SUCLG1: variants seen among roughly 807,000 people sequenced by gnomAD.
SUCLG1 encodes succinate-CoA ligase GDP/ADP-forming subunit alpha, also known as succinate--CoA ligase [ADP/GDP-forming] subunit alpha, mitochondrial.
A neutral mutation model predicts 37.3 loss-of-function variants in SUCLG1; 26 were observed. The observed-to-expected ratio is 0.70, with a 90% CI of 0.51 to 0.97. The LOEUF is 0.97. Among genes scored for constraint, SUCLG1 ranks in the 50% least tolerant of loss-of-function variants. SUCLG1 has a pLI of 0.00. For synonymous variants in SUCLG1, 163 were observed against 155.6 expected (o/e 1.05, Z -0.36); for missense variants, 433 against 432.9 (o/e 1.00, Z 0.00).
chr2:84,433,283 A>G (rs1268933149), intron 6 of SUCLG1, 69 bp downstream of exon 6: 1 of 1,246,066 alleles, frequency 8.0e-7, no homozygotes, highest in East Asian at 2.4e-5. Flanking sequence ...TAAAATCAAT[A>G]ATTATTATTA....
chr2:84,457,571 T>C (rs1229979692), intron 1 of SUCLG1, among the ~76,000 whole-genome samples: 2 of 152,108 alleles, frequency 1.3e-5, no homozygotes, highest in Admixed American at 6.6e-5. Flanking sequence ...CTCTAGATTT[T>C]TCTAGACAGC....
intron 5 of SUCLG1, among the ~76,000 whole-genome samples, chr2:84,434,840 G>A (rs1158993571): frequency 1.3e-5 from 2 of 152,158 alleles, no homozygotes; most frequent in Non-Finnish European, 2.9e-5. Flanking sequence ...TGTGACCTAT[G>A]CATAAACACA....
rs200877116 is a variant in SUCLG1, at chr2:84,441,475, C to A, written c.319-16G>T. ...GTTCTTTGGCCTGAAACATTAACGA[C>A]GAAGCACCTTATTATTTGTTAAATC... is the stretch of plus-strand genomic sequence containing the variant. On this transcript the variant is annotated splice_polypyrimidine_tract_variant and intron_variant, in intron 3 of 8. Coordinates refer to ENST00000393868, the MANE Select transcript of SUCLG1 (RefSeq NM_003849.4). 5.6e-6 allele frequency: 9 copies of A among 1,611,888 alleles called. No individual in the cohort carries two copies. The East Asian group carries it at 1.8e-4, about 32-fold the overall frequency.
intron 1 of SUCLG1, among the ~76,000 whole-genome samples, chr2:84,453,658 C>A (rs1054298343): frequency 3.3e-5 from 5 of 152,176 alleles, no homozygotes; most frequent in African/African-American, 1.2e-4. Context: ...CTCAAGTGAT[C>A]CGCCTGCCTT....
intron 1 of SUCLG1, among the ~76,000 whole-genome samples, chr2:84,455,558 A>C (rs1673006671): frequency 6.6e-6 from 1 of 152,042 alleles, no homozygotes; most frequent in South Asian, 2.1e-4. Context: ...AATGTAAAAA[A>C]ATGTGGGTCT....
chr2:84,458,821 C>T (rs1486300409), intron 1 of SUCLG1, among the ~76,000 whole-genome samples: 6 of 152,212 alleles, frequency 3.9e-5, no homozygotes, highest in Non-Finnish European at 4.4e-5. Flanking sequence ...CCTTGGACCT[C>T]TTCATCCCCA....
chr2:84,457,729 T>G (rs556381273), intron 1 of SUCLG1, among the ~76,000 whole-genome samples: 1 of 152,144 alleles, frequency 6.6e-6, no homozygotes, highest in Admixed American at 6.5e-5. Flanking sequence ...CCACTATCTA[T>G]TCAAATTAAG....
chr2:84,441,923 G>GT (rs1289370889), intron 3 of SUCLG1, among the ~76,000 whole-genome samples: 1 of 152,154 alleles, frequency 6.6e-6, no homozygotes, highest in Non-Finnish European at 1.5e-5. Flanking sequence ...ACATTACATA[G>GT]TTTTCTACCT....
chr2:84,455,934 A>G (rs907274056), intron 1 of SUCLG1, among the ~76,000 whole-genome samples: 2 of 152,170 alleles, frequency 1.3e-5, no homozygotes, highest in African/African-American at 4.8e-5. Flanking sequence ...TAATATTCCC[A>G]ATTACATTTC....
chr2:84,449,035 C>A (rs1672893678), intron 2 of SUCLG1: 4 of 280,360 alleles, frequency 1.4e-5, no homozygotes, highest in South Asian at 6.8e-5. Context: ...TTTATTTACA[C>A]TTACACAAAA....
intron 5 of SUCLG1, 167 bp from the exon 6 acceptor site, chr2:84,433,602 G>C (rs905014106): frequency 3.1e-6 from 2 of 654,760 alleles, no homozygotes; most frequent in Non-Finnish European, 5.5e-6. Flanking sequence ...GAAAAGGAAA[G>C]GCTTAAATTC....
chr2:84,449,879 G>A (rs1203836114), intron 1 of SUCLG1, 127 bp from the exon 2 acceptor site: 5 of 648,542 alleles, frequency 7.7e-6, no homozygotes, highest in Non-Finnish European at 1.3e-5. Context: ...CTGTGATCAC[G>A]GCAAACCTAA....
intron 1 of SUCLG1, among the ~76,000 whole-genome samples, chr2:84,458,018 T>C (rs1043247211): frequency 1.1e-4 from 16 of 151,822 alleles, no homozygotes; most frequent in Non-Finnish European, 4.4e-5. Flanking sequence ...TTAAGTCTCA[T>C]AAAATATTCA....
Position 84,449,759 on chromosome 2 carries a change from G to C in SUCLG1, c.98-7C>G. 2.4e-6 allele frequency: 2 copies of C among 831,340 alleles called. No individual in the cohort carries two copies. The highest frequency in any genetic ancestry group is 3.4e-6 in the Non-Finnish European group (2 of 588,608). 51.5% of individuals were successfully genotyped at this position (831,340 alleles called of 1,614,324 possible). A position where few individuals can be genotyped will look rare whatever the true frequency, so the allele number is the denominator to read the frequency against. ...CGAATTCCATTCTGCGGCACTAAGA[G>C]GTTAAAAAAAAAAAAAAAAAAAAAA... On this transcript the variant is annotated splice_polypyrimidine_tract_variant and splice_region_variant and intron_variant, in intron 1 of 8. Transcript: ENST00000393868.
intron 5 of SUCLG1, chr2:84,433,665 G>T: frequency 1.8e-6 from 1 of 543,630 alleles, no homozygotes; most frequent in East Asian, 3.2e-5. Context: ...TATTAGTTAA[G>T]GTTATTTTAT....
intron 4 of SUCLG1, 65 bp from the exon 5 acceptor site, chr2:84,441,169 A>T: frequency 6.2e-7 from 1 of 1,612,318 alleles, no homozygotes. Context: ...ATACACACAA[A>T]TACACTCGCA....
At chr2:84,455,862 G>T (rs1203029989) in intron 1 of SUCLG1, among the ~76,000 whole-genome samples, 1 of 150,936 alleles carries the variant, frequency 6.6e-6, no homozygotes, top group Non-Finnish European at 1.5e-5. Flanking sequence ...AAAAAAATGT[G>T]GGTCTATGGT....
chr2:84,427,693 C>T (rs1332647080), intron 7 of SUCLG1, among the ~76,000 whole-genome samples: 2 of 152,156 alleles, frequency 1.3e-5, no homozygotes, highest in African/African-American at 4.8e-5. Flanking sequence ...AGCAGGTTTA[C>T]TTTGTTCATT....
intron 8 of SUCLG1, among the ~76,000 whole-genome samples, chr2:84,423,974 T>C (rs953582529): frequency 1.4e-4 from 22 of 152,208 alleles, no homozygotes; most frequent in African/African-American, 5.1e-4. Flanking sequence ...TCAGCCTGAA[T>C]TTCACGAAAC....
Sources: gnomAD v4.1 joint callset for allele counts (sites outside exome capture counted in the v4.1 genomes callset) on GRCh38, gnomAD v4.1.1 for gene constraint, MANE v1.5 for transcripts, NCBI Gene and HGNC (gene_info 2026-07-23, HGNC 2026-07-21) for gene names.